ZNF692: variants seen among roughly 807,000 people sequenced by gnomAD.
The protein encoded by ZNF692 is AICAR responsive element binding protein.
In ZNF692, 41 loss-of-function variants were observed where a neutral mutation model predicts 49.0. The observed-to-expected ratio is 0.84, with a 90% CI of 0.65 to 1.08. The LOEUF is 1.08. ZNF692 is among the 50% of genes least tolerant of loss of function. ZNF692 has a pLI of 0.00. For synonymous variants in ZNF692, 288 were observed against 251.5 expected (o/e 1.15, Z -1.37); for missense variants, 662 against 662.2 (o/e 1.00, Z 0.00).
At position 248,858,049 on chromosome 1, in the gene ZNF692, G is replaced by T; in HGVS notation, c.179+82C>A. ...AAGTGAGAAACCTGAGGGTGGAAAA[G>T]AGCAGCAGGACAGGCCCTGGAGAGG... On this transcript the variant is annotated intron_variant, in intron 2 of 11. Transcript: ENST00000306601. The surrounding 1 kb of genome is among the most constrained non-coding windows in gnomAD (Gnocchi z 4.3). 6.4e-7 allele frequency: 1 copy of T among 1,550,468 alleles called. No homozygotes were observed.
chr1:248,857,681 G>A (rs1660398886), intron 3 of ZNF692, 147 bp downstream of exon 3: 9 of 1,471,918 alleles, frequency 6.1e-6, no homozygotes, highest in African/African-American at 1.4e-5. Flanking sequence ...CCACCCAGAG[G>A]TTGCCTCCAT....
At chr1:248,854,978 T>C (rs1660059157) in intron 9 of ZNF692, among the ~76,000 whole-genome samples, 1 of 152,128 alleles carries the variant, frequency 6.6e-6, no homozygotes, top group African/African-American at 2.4e-5. Context: ...ACTGTAGGGA[T>C]TGGACCCCTT....
At chr1:248,852,394 C>G (rs1018067109) in intron 10 of ZNF692, among the ~76,000 whole-genome samples, 3 of 152,152 alleles carry the variant, frequency 2.0e-5, no homozygotes, top group African/African-American at 7.2e-5. Context: ...ACTGTTCCCC[C>G]GGCAGCCCTC....
In ZNF692 at chr1:248,858,506, C is replaced by A. The variant is rs745960574; in HGVS notation, c.-12-185G>T. ...TATGATACAGGGTGTTGAAGCTCAG[C>A]GCTACCATGTGAGTGTCGTCGGGTG... On this transcript the variant is annotated intron_variant, in intron 1 of 11. Coordinates refer to ENST00000306601, the MANE Select transcript of ZNF692 (RefSeq NM_017865.4). The surrounding 1 kb of genome is among the most constrained non-coding windows in gnomAD (Gnocchi z 4.3). 2 of 1,551,700 alleles carry A rather than the reference C, an allele frequency of 1.3e-6. No individual in the cohort carries two copies. The highest frequency in any genetic ancestry group is 2.4e-5 in the South Asian group (2 of 84,058).
intron 10 of ZNF692, among the ~76,000 whole-genome samples, chr1:248,852,427 C>G (rs1659708575): frequency 6.6e-6 from 1 of 152,262 alleles, no homozygotes; most frequent in Admixed American, 6.5e-5. Flanking sequence ...CAAGACCAAC[C>G]CCTTCTCACT....
rs751450641 is a variant in ZNF692 at position 248,857,506 on chromosome 1, G to T, written c.212-9C>A. 4.4e-6 allele frequency: 7 copies of T among 1,608,194 alleles called. No individual in the cohort carries two copies. Among genetic ancestry groups the T allele is most frequent in the Non-Finnish European group, 5.9e-6 (7 of 1,176,494 alleles). On this transcript the variant is annotated splice_polypyrimidine_tract_variant and intron_variant, in intron 3 of 11. Transcript: ENST00000306601. The stretch of plus-strand genomic sequence containing the variant: ...AGGCAAAGGCTCAGGACCTGGAGGG[G>T]TGGGGGAAGCAGTCAGGCTGAACTG...
In ZNF692 at chr1:248,858,166, G is replaced by T; in HGVS notation, c.144C>A (p.Ser48=). Residue 48 remains serine, a synonymous_variant, in exon 2 of 12, where the codon TCC becomes TCA. Coordinates refer to ENST00000306601, the MANE Select transcript of ZNF692 (RefSeq NM_017865.4). This position sits in a 1 kb window ranked among gnomAD's most constrained non-coding sequence, Gnocchi z 4.3. The part of the protein sequence containing the change: ...WCLLKERLGF[S]LHSQLAKFLL... ...GGAACTTGGCGAGCTGCGAGTGCAG[G>T]GAGAAGCCCAGCCGCTCCTTGAGGA... 3 of 1,574,418 alleles carry T rather than the reference G, an allele frequency of 1.9e-6. No individual in the cohort carries two copies. The highest frequency in any genetic ancestry group is 2.6e-6 in the Non-Finnish European group (3 of 1,161,266).
In ZNF692 at chr1:248,858,495, T is replaced by C; in HGVS notation, c.-12-174A>G. ...CCCCGTCCTTCTATGATACAGGGTG[T>C]TGAAGCTCAGCGCTACCATGTGAGT... On this transcript the variant is annotated intron_variant, in intron 1 of 11. Transcript: ENST00000306601. The surrounding 1 kb of genome is among the most constrained non-coding windows in gnomAD (Gnocchi z 4.3). The C allele has an allele frequency of 6.4e-7, 1 of 1,551,692 alleles. No individual in the cohort carries two copies. The highest frequency in any genetic ancestry group is 2.4e-5 in the East Asian group (1 of 40,922).
Position 248,858,380 on chromosome 1 carries a change from C to A in ZNF692, c.-12-59G>T. 1 of 1,531,842 alleles carries A rather than the reference C, an allele frequency of 6.5e-7. No individual in the cohort carries two copies. Among genetic ancestry groups the A allele is most frequent in the Non-Finnish European group, 8.8e-7 (1 of 1,133,832 alleles). 94.9% of individuals were successfully genotyped at this position (1,531,842 alleles called of 1,614,324 possible). The stretch of plus-strand genomic sequence containing the variant: ...CCGATCTCGGGGGTCGGGGACCCGG[C>A]TCCACCTGCCGTTAGGGCCTCAGTT... On this transcript the variant is annotated intron_variant, in intron 1 of 11. Transcript: ENST00000306601. This position sits in a 1 kb window ranked among gnomAD's most constrained non-coding sequence, Gnocchi z 4.3.
chr1:248,850,419 C>T lies in ZNF692; in HGVS notation c.1351G>A (p.Glu451Lys). 6.2e-7 allele frequency: 1 copy of T among 1,614,166 alleles called. No individual in the cohort carries two copies. The highest frequency in any genetic ancestry group is 8.5e-7 in the Non-Finnish European group (1 of 1,180,020). Reference protein sequence around the residue: ...ETVAALRFPCEFCGKRFEKPD... With the variant: ...ETVAALRFPCKFCGKRFEKPD... Reference sequence around the variant, plus strand: ...TTCTCAAAGCGCTTGCCGCAGAATTCACAGGGGAAGCGCAAGGCAGCCACC... The same window carrying T: ...TTCTCAAAGCGCTTGCCGCAGAATTTACAGGGGAAGCGCAAGGCAGCCACC... The change falls in exon 12 of 12, where the codon GAA becomes AAA. Residue 451 changes from glutamate to lysine, a missense_variant. By Grantham distance (56) the Glu-to-Lys change is moderately conservative. Coordinates refer to ENST00000306601, the MANE Select transcript of ZNF692 (RefSeq NM_017865.4).
Position 248,858,273 on chromosome 1 carries a change from G to T in ZNF692, c.37C>A (p.Arg13=), listed in dbSNP as rs1301988936. The change falls in exon 2 of 12, where the codon CGG becomes AGG. Residue 13 remains arginine, a synonymous_variant. Coordinates refer to ENST00000306601, the MANE Select transcript of ZNF692 (RefSeq NM_017865.4). This position sits in a 1 kb window ranked among gnomAD's most constrained non-coding sequence, Gnocchi z 4.3. ...TCCAGCTGCCGCCGCTTCTCCCGCC[G>T]CCTGCAGGACACGTCCACCGCCGGG... ...SSPAVDVSCR[R]REKRRQLDAR... is the part of the protein sequence containing the mutation. 6.3e-7 allele frequency: 1 copy of T among 1,583,568 alleles called. No homozygotes were observed. The highest frequency in any genetic ancestry group is 8.6e-7 in the Non-Finnish European group (1 of 1,163,618).
At position 248,856,271 on chromosome 1, in the gene ZNF692, C is replaced by T; in HGVS notation, c.659+17G>A. The T allele has an allele frequency of 1.9e-6, 3 of 1,565,956 alleles. No homozygotes were observed. The South Asian group carries it at 3.7e-5, about 19-fold the overall frequency. ...TCCCTCTCTTGCTCTGCTCATTCTC[C>T]CTCAACCCCAACTTGCTCATCTGGG... is the stretch of plus-strand genomic sequence containing the variant. On this transcript the variant is annotated intron_variant, in intron 6 of 11. Transcript: ENST00000306601.
At chr1:248,852,288 G>A (rs1351734631) in intron 10 of ZNF692, among the ~76,000 whole-genome samples, 2 of 152,084 alleles carry the variant, frequency 1.3e-5, no homozygotes, top group Non-Finnish European at 2.9e-5. Flanking sequence ...CAGTGCTCTT[G>A]TTTCTAAAGT....
rs777423632 is a variant in ZNF692, at chr1:248,855,832, C to T, written c.774G>A (p.Leu258=). The change falls in exon 7 of 12, where the codon TTG becomes TTA. Residue 258 remains leucine, a synonymous_variant. Coordinates refer to ENST00000306601, the MANE Select transcript of ZNF692 (RefSeq NM_017865.4). ...ALSSPLAVPA[L]SASSLSSRAP... ...CTCTGGAACTCAATGAGGATGCTGA[C>T]AAGGCCGGCACAGCAAGAGGACTGG... The T allele has an allele frequency of 2.5e-6, 4 of 1,614,210 alleles. No homozygotes were observed. Among genetic ancestry groups the T allele is most frequent in the East Asian group, 2.2e-5 (1 of 44,884 alleles).
chr1:248,858,500 G>C lies in ZNF692; in HGVS notation c.-12-179C>G. On this transcript the variant is annotated intron_variant, in intron 1 of 11. Coordinates refer to ENST00000306601, the MANE Select transcript of ZNF692 (RefSeq NM_017865.4). The surrounding 1 kb of genome is among the most constrained non-coding windows in gnomAD (Gnocchi z 4.3). ...TCCTTCTATGATACAGGGTGTTGAAGCTCAGCGCTACCATGTGAGTGTCGT... is the reference window on the plus strand; with the variant it reads ...TCCTTCTATGATACAGGGTGTTGAACCTCAGCGCTACCATGTGAGTGTCGT... 1.3e-6 allele frequency: 2 copies of C among 1,551,752 alleles called. No homozygotes were observed. The highest frequency in any genetic ancestry group is 1.7e-6 in the Non-Finnish European group (2 of 1,147,010).
chr1:248,857,287 T>A lies in ZNF692; in HGVS notation c.422A>T (p.His141Leu), dbSNP rs1331198412. Residue 141 changes from histidine (H) to leucine (L), a missense_variant, in exon 4 of 12, where the codon CAT becomes CTT. Coordinates refer to ENST00000306601, the MANE Select transcript of ZNF692 (RefSeq NM_017865.4). ...SEAPKPASLP[H>L]TTRRSWCSEA... ...GGAACACCAACTTCTCCGAGTAGTA[T>A]GTGGAAGGGAGGCTGGCTTGGGTGC... 6.2e-7 allele frequency: 1 copy of A among 1,614,142 alleles called. No individual in the cohort carries two copies. Among genetic ancestry groups the A allele is most frequent in the Non-Finnish European group, 8.5e-7 (1 of 1,180,026 alleles).
At position 248,857,929 on chromosome 1, in the gene ZNF692, T is replaced by C. The variant is rs376096949; in HGVS notation, c.180-70A>G. The C allele has an allele frequency of 1.2e-4, 188 of 1,594,392 alleles. No individual in the cohort carries two copies. The African/African-American group carries it at 1.9e-3, about 16-fold the overall frequency. On this transcript the variant is annotated intron_variant, in intron 2 of 11. Coordinates refer to ENST00000306601, the MANE Select transcript of ZNF692 (RefSeq NM_017865.4). ...ACCCTCAGCCCTGGGCACTCACACA[T>C]GTAAGGGGCCAGCCCTAAGGGCCGC...
intron 9 of ZNF692, 121 bp from the exon 10 acceptor site, chr1:248,854,172 CCAG>C: frequency 1.4e-6 from 1 of 705,414 alleles, no homozygotes; most frequent in Non-Finnish European, 2.5e-6. Context: ...CCCCTGTGCC[CCAG>C]CAGTTCTCCC....
Position 248,858,220 on chromosome 1 carries a change from G to A in ZNF692, c.90C>T (p.Arg30=), listed in dbSNP as rs1215451036. 1.1e-5 allele frequency: 17 copies of A among 1,592,710 alleles called. No individual in the cohort carries two copies. The East Asian group carries it at 3.6e-4, about 34-fold the overall frequency. Residue 30 remains arginine (R), a synonymous_variant, in exon 2 of 12, where the codon CGC becomes CGT. Coordinates refer to ENST00000306601, the MANE Select transcript of ZNF692 (RefSeq NM_017865.4). This position sits in a 1 kb window ranked among gnomAD's most constrained non-coding sequence, Gnocchi z 4.3. The part of the protein sequence containing the change: ...LDARRSKCRI[R]LGGHMEQWCL... ...ACCACTGCTCCATGTGGCCGCCCAG[G>A]CGGATGCGGCACTTGCTGCGGCGCG...
Sources: gnomAD v4.1 joint callset for allele counts (sites outside exome capture counted in the v4.1 genomes callset) on GRCh38, gnomAD v4.1.1 for gene constraint, Gnocchi (gnomAD v3.1) non-coding constraint, MANE v1.5 for transcripts, NCBI Gene and HGNC (gene_info 2026-07-23, HGNC 2026-07-21) for gene names.